Variants in ALX4 observed in about 807,000 individuals in gnomAD.
The protein encoded by ALX4 is ALX homeobox 4, also known as homeobox protein aristaless-like 4.
ALX4 carries 22 observed loss-of-function variants against 40.6 expected under a neutral mutation model. That is an observed-to-expected ratio of 0.54 (90% CI 0.39 to 0.77). The LOEUF is 0.77. Among genes scored for constraint, ALX4 ranks in the 30% least tolerant of loss-of-function variants. The probability of loss-of-function intolerance (pLI) is 0.00; values close to 1 mark genes in which losing one functional copy is unlikely to be tolerated. For missense variants in ALX4, 556 were observed against 564.8 expected, an observed-to-expected ratio of 0.98 and a Z score of 0.16; for synonymous variants, 266 against 240.5, an observed-to-expected ratio of 1.11 and a Z score of -0.98.
At position 44,309,638 on chromosome 11, in the gene ALX4, C is replaced by T. The variant is rs778941350; in HGVS notation, c.425G>A (p.Gly142Asp). 1.3e-6 allele frequency: 2 copies of T among 1,592,936 alleles called. No individual in the cohort carries two copies. The highest frequency in any genetic ancestry group is 1.7e-6 in the Non-Finnish European group (2 of 1,176,332). The stretch of plus-strand genomic sequence containing the variant: ...CAAGGCCGCGCTGTGGCCGCTGCTG[C>T]CTTCCTGGAGTTTGAGGCTGCCGTC... ...PPDGSLKLQE[G>D]SSGHSAALQV... is the part of the protein sequence containing the mutation. The change falls in exon 1 of 4, where the codon GGC (glycine) becomes GAC (aspartate). Residue 142 changes from glycine (G) to aspartate (D), a missense_variant. Physicochemically the swap from Gly to Asp is moderately conservative, Grantham distance 94. Coordinates refer to ENST00000652299, the MANE Select transcript of ALX4 (RefSeq NM_021926.4).
intron 1 of ALX4, 147 bp downstream of exon 1, chr11:44,309,450 G>T: frequency 6.3e-6 from 9 of 1,435,554 alleles, no homozygotes; most frequent in African/African-American, 5.8e-5. Flanking sequence ...TGGCTCCCTC[G>T]CAGCGATCGA....
At chr11:44,301,669 C>G (rs966211287) in intron 1 of ALX4, among the ~76,000 whole-genome samples, 2 of 152,202 alleles carry the variant, frequency 1.3e-5, no homozygotes, top group African/African-American at 4.8e-5. Flanking sequence ...AACAAGAGAG[C>G]GGGTGAGTGG....
chr11:44,293,470 CCTT>C (rs994875682), intron 1 of ALX4, among the ~76,000 whole-genome samples: 10 of 152,150 alleles, frequency 6.6e-5, no homozygotes, highest in Non-Finnish European at 1.3e-4. Flanking sequence ...ACCAAGCAAA[CCTT>C]AATCCACAGC....
At chr11:44,306,605 G>T (rs1429449660) in intron 1 of ALX4, among the ~76,000 whole-genome samples, 1 of 152,268 alleles carries the variant, frequency 6.6e-6, no homozygotes, top group Non-Finnish European at 1.5e-5. Context: ...ATCAGCCAGC[G>T]CCAGTACTGG....
rs765070227 is a variant in ALX4, at chr11:44,275,607, A to G, written c.518T>C (p.Val173Ala). Residue 173 changes from valine (V) to alanine (A), a missense_variant, in exon 2 of 4, where the codon GTG (valine) becomes GCG (alanine). Transcript: ENST00000652299. ...EPELPPDSDT[V>A]GMDSSYLSVK... is the part of the protein sequence containing the mutation. ...ACTCAGGTAGCTGCTGTCCATCCCC[A>G]CAGTGTCAGAGTCAGGGGGTAACTC... The G allele has an allele frequency of 5.6e-6, 9 of 1,613,714 alleles. No individual in the cohort carries two copies. The highest frequency in any genetic ancestry group is 1.3e-5 in the African/African-American group (1 of 74,964).
intron 2 of ALX4, among the ~76,000 whole-genome samples, chr11:44,270,895 G>A (rs1956242804): frequency 6.6e-6 from 1 of 152,198 alleles, no homozygotes; most frequent in Non-Finnish European, 1.5e-5. Flanking sequence ...GGTGGCCCAG[G>A]GCGGGGAGGC....
chr11:44,265,802 A>G (rs1243555521), intron 3 of ALX4, among the ~76,000 whole-genome samples: 1 of 152,180 alleles, frequency 6.6e-6, no homozygotes, highest in Non-Finnish European at 1.5e-5. Context: ...GGACAGCCAG[A>G]TCTGAGACCG....
chr11:44,305,225 T>G (rs1326321386), intron 1 of ALX4, among the ~76,000 whole-genome samples: 2 of 152,226 alleles, frequency 1.3e-5, no homozygotes, highest in African/African-American at 4.8e-5. Flanking sequence ...CACTTCACTA[T>G]ATGTAAATTA....
At chr11:44,303,990 A>T (rs1324876813) in intron 1 of ALX4, among the ~76,000 whole-genome samples, 5 of 152,208 alleles carry the variant, frequency 3.3e-5, no homozygotes, top group African/African-American at 9.6e-5. Flanking sequence ...AACTGATATT[A>T]GAGAAGACCC....
intron 1 of ALX4, among the ~76,000 whole-genome samples, chr11:44,284,285 T>C (rs979857043): frequency 2.0e-5 from 3 of 152,098 alleles, no homozygotes; most frequent in Admixed American, 1.3e-4. Flanking sequence ...TTGAAATATC[T>C]GAAAGCAGTG....
At chr11:44,309,180 T>TCCC (rs1956488913) in intron 1 of ALX4, among the ~76,000 whole-genome samples, 5 of 138,668 alleles carry the variant, frequency 3.6e-5, no homozygotes, top group South Asian at 2.3e-4. Context: ...CCCCGCAGCC[T>TCCC]CGCAGCCCCG....
In ALX4 at chr11:44,263,957, T is replaced by C. The variant is rs1956197274; in HGVS notation, c.*897A>G. ...AACAAAGCTGCCCAGACCTCCCCGC[T>C]GTACCAGATGCCAGGCAGGCCGGAG... On this transcript the variant is annotated 3_prime_UTR_variant, in exon 4 of 4. Transcript: ENST00000652299. 1 of 152,406 alleles carries C rather than the reference T, an allele frequency of 6.6e-6. No individual in the cohort carries two copies. Among genetic ancestry groups the C allele is most frequent in the African/African-American group, 2.4e-5 (1 of 41,456 alleles). The allele number at this position is 152,406 out of a possible 1,614,324, so 9.4% of individuals were successfully genotyped here.
rs1303302097 is a variant in ALX4 at position 44,309,789 on chromosome 11, G to T, written c.274C>A (p.Pro92Thr). Reference sequence around the variant, plus strand: ...TGGGGCTGCGGGGTCGACGGCTGGGGCTGGAACTTGTTAAAGGAGCCCCGC... The same window carrying T: ...TGGGGCTGCGGGGTCGACGGCTGGGTCTGGAACTTGTTAAAGGAGCCCCGC... The part of the protein sequence containing the change: ...GARGSFNKFQ[P>T]QPSTPQPQPP... Residue 92 changes from proline (P) to threonine (T), a missense_variant, in exon 1 of 4, where the codon CCC becomes ACC. By Grantham distance (38) the Pro-to-Thr change is conservative (BLOSUM62 -1). Coordinates refer to ENST00000652299, the MANE Select transcript of ALX4 (RefSeq NM_021926.4). The T allele has an allele frequency of 6.5e-7, 1 of 1,550,308 alleles. No homozygotes were observed. Among genetic ancestry groups the T allele is most frequent in the African/African-American group, 1.4e-5 (1 of 73,046 alleles).
Position 44,289,794 on chromosome 11 carries a change from T to A in ALX4, c.467-14136A>T, listed in dbSNP as rs971126532. On this transcript the variant is annotated intron_variant, in intron 1 of 3. Coordinates refer to ENST00000652299, the MANE Select transcript of ALX4 (RefSeq NM_021926.4). ...TCAGTCTGGGCTCTAAGTGCCCCTG[T>A]CAGCTTCTCTCCTCAAGGAGGCTAG... is the stretch of plus-strand genomic sequence containing the variant. Among the ~76,000 whole-genome samples the A allele has an allele frequency of 4.4e-4, 67 of 152,154 alleles. 1 individual carries two copies. The highest frequency in any genetic ancestry group is 7.3e-5 in the Non-Finnish European group (5 of 68,028).
At chr11:44,285,799 G>C (rs544947181) in intron 1 of ALX4, among the ~76,000 whole-genome samples, 1 of 152,054 alleles carries the variant, frequency 6.6e-6, no homozygotes, top group East Asian at 1.9e-4. Context: ...CTTCCTCCAG[G>C]ACCTCCCTTG....
At position 44,264,892 on chromosome 11, in the gene ALX4, C is replaced by T; in HGVS notation, c.1198G>A (p.Ala400Thr). 1.9e-6 allele frequency: 3 copies of T among 1,613,066 alleles called. No homozygotes were observed. The East Asian group carries it at 6.7e-5, about 36-fold the overall frequency. ...TSSIAALRMK[A>T]KEHSAAISWA... ...GAAATGGCCGCACTGTGCTCCTTGG[C>T]CTTCATGCGGAGGGCCGCGATGCTC... Residue 400 changes from alanine to threonine, a missense_variant, in exon 4 of 4, where the codon GCC becomes ACC. Coordinates refer to ENST00000652299, the MANE Select transcript of ALX4 (RefSeq NM_021926.4).
At chr11:44,269,605 C>T (rs867101543) in intron 2 of ALX4, among the ~76,000 whole-genome samples, 10 of 152,196 alleles carry the variant, frequency 6.6e-5, no homozygotes, top group African/African-American at 1.9e-4. Context: ...TCCTTAGAAA[C>T]GGACCCTCTC....
At chr11:44,300,009 A>G (rs1427961907) in intron 1 of ALX4, among the ~76,000 whole-genome samples, 2 of 152,216 alleles carry the variant, frequency 1.3e-5, no homozygotes, top group African/African-American at 4.8e-5. Flanking sequence ...GTTCTGCAGC[A>G]GCAGCCAACT....
At chr11:44,281,060 A>G (rs1956307207) in intron 1 of ALX4, among the ~76,000 whole-genome samples, 1 of 152,058 alleles carries the variant, frequency 6.6e-6, no homozygotes, top group Non-Finnish European at 1.5e-5. Context: ...TTACCTTTTT[A>G]AAACAGGAAA....
Sources: allele counts gnomAD v4.1 joint callset (sites outside exome capture counted in the v4.1 genomes callset), GRCh38; gene constraint gnomAD v4.1.1; transcripts MANE v1.5; gene names NCBI Gene and HGNC (gene_info 2026-07-23, HGNC 2026-07-21).